The following ERBB4 variants were observed in gnomAD, a reference collection of about 807,000 sequenced individuals.
The protein encoded by ERBB4 is receptor tyrosine-protein kinase erbB-4.
A neutral mutation model predicts 158.0 loss-of-function variants in ERBB4; 42 were observed. That is an observed-to-expected ratio of 0.27 (90% CI 0.21 to 0.34). ERBB4 has a LOEUF of 0.34. Ranked by LOEUF, ERBB4 falls within the 10% of genes least tolerant of loss-of-function variation. The pLI, the probability that ERBB4 is intolerant of heterozygous loss-of-function variation, is 1.00. For missense variants in ERBB4, 1,333 were observed against 1,624.1 expected, an observed-to-expected ratio of 0.82 and a Z score of 3.08; for synonymous variants, 583 against 558.7, an observed-to-expected ratio of 1.04 and a Z score of -0.61.
chr2:211,469,939 A>G (rs142405042), intron 20 of ERBB4, among the ~76,000 whole-genome samples: 224 of 152,236 alleles, frequency 1.5e-3, no homozygotes, highest in African/African-American at 5.3e-3. Context: ...GTTAAATCAT[A>G]TAATTATATT....
intron 27 of ERBB4, 93 bp downstream of exon 27, chr2:211,386,760 G>C (rs2062692641): frequency 4.8e-6 from 6 of 1,253,104 alleles, no homozygotes; most frequent in East Asian, 2.3e-5. Context: ...ATGTTGTGCT[G>C]GTCAGCTATC....
intron 1 of ERBB4, among the ~76,000 whole-genome samples, chr2:212,362,775 T>G (rs995449788): frequency 6.6e-6 from 1 of 151,132 alleles, no homozygotes; most frequent in Non-Finnish European, 1.5e-5. Context: ...AAAACATAAT[T>G]TAAAACACAT....
chr2:211,731,953 T>C (rs187596585), intron 5 of ERBB4, among the ~76,000 whole-genome samples: 131 of 152,222 alleles, frequency 8.6e-4, no homozygotes, highest in African/African-American at 3.0e-3. Context: ...AATAAAGATG[T>C]CTGGCCCATC....
At chr2:211,420,391 GATTTT>G in intron 25 of ERBB4, 45 bp downstream of exon 25, 1 of 1,310,548 alleles carries the variant, frequency 7.6e-7, no homozygotes, top group Non-Finnish European at 1.1e-6. Flanking sequence ...ACTATTACAT[GATTTT>G]ATATCTCAGA....
chr2:212,313,801 G>A (rs1024677028), intron 1 of ERBB4, among the ~76,000 whole-genome samples: 1 of 150,760 alleles, frequency 6.6e-6, no homozygotes, highest in Non-Finnish European at 1.5e-5. Flanking sequence ...TAATATCCTT[G>A]GGTAACATCT....
chr2:211,810,350 C>T (rs2076721115), intron 3 of ERBB4, among the ~76,000 whole-genome samples: 1 of 152,140 alleles, frequency 6.6e-6, no homozygotes, highest in Non-Finnish European at 1.5e-5. Context: ...CCTCTAAGGA[C>T]TTGCTTTATG....
intron 2 of ERBB4, among the ~76,000 whole-genome samples, chr2:212,003,184 A>AAGGAAGGAAGGAAG (rs2076161858): frequency 3.0e-5 from 2 of 65,852 alleles, no homozygotes; most frequent in Non-Finnish European, 7.7e-5. Flanking sequence ...AAAGAAAGAA[A>AAGGAAGGAAGGAAG]GAAAGAAAGA....
chr2:211,704,201 G>A lies in ERBB4; in HGVS notation c.1199-7C>T, dbSNP rs1242514736. On this transcript the variant is annotated splice_region_variant and splice_polypyrimidine_tract_variant and intron_variant, in intron 10 of 27. Transcript: ENST00000342788. ...GACTGTATGTTCAGGAAACCTACAAGTGAAGAGTAGAAAAAATAAATCAGA... is the reference window on the plus strand; with the variant it reads ...GACTGTATGTTCAGGAAACCTACAAATGAAGAGTAGAAAAAATAAATCAGA... 1 of 1,554,428 alleles carries A rather than the reference G, an allele frequency of 6.4e-7. No homozygotes were observed. The highest frequency in any genetic ancestry group is 2.2e-5 in the East Asian group (1 of 44,552).
intron 19 of ERBB4, among the ~76,000 whole-genome samples, chr2:211,595,880 G>A (rs1559333588): frequency 6.6e-6 from 1 of 152,150 alleles, no homozygotes; most frequent in Admixed American, 6.6e-5. Context: ...GGTATCTGCA[G>A]AGGTCCTGGA....
At chr2:211,935,419 G>C (rs759928496) in intron 3 of ERBB4, among the ~76,000 whole-genome samples, 47 of 152,074 alleles carry the variant, frequency 3.1e-4, no homozygotes, top group Non-Finnish European at 5.7e-4. Context: ...AACAAAAACA[G>C]AGGAAAGGTG....
At chr2:211,553,136 T>C (rs2067147844) in intron 20 of ERBB4, among the ~76,000 whole-genome samples, 1 of 151,712 alleles carries the variant, frequency 6.6e-6, no homozygotes, top group Non-Finnish European at 1.5e-5. Context: ...GCCCGGCTAA[T>C]TTTTGTATTT....
At chr2:212,164,892 T>C (rs1458144811) in intron 1 of ERBB4, among the ~76,000 whole-genome samples, 1 of 152,048 alleles carries the variant, frequency 6.6e-6, no homozygotes, top group African/African-American at 2.4e-5. Flanking sequence ...TATACTATTA[T>C]TTAAGTGATG....
intron 21 of ERBB4, among the ~76,000 whole-genome samples, chr2:211,429,965 T>A (rs181934580): frequency 6.6e-6 from 1 of 152,156 alleles, no homozygotes; most frequent in Non-Finnish European, 1.5e-5. Context: ...TGTGCAGTCT[T>A]AGAGTGAATT....
intron 1 of ERBB4, among the ~76,000 whole-genome samples, chr2:212,192,614 C>T (rs932680328): frequency 2.0e-5 from 3 of 152,024 alleles, no homozygotes; most frequent in Admixed American, 2.0e-4. Context: ...TGGTCTTAAG[C>T]CTTTCCTTAT....
In ERBB4 at chr2:211,553,168, C is replaced by T. The variant is rs146774992; in HGVS notation, c.2487+8735G>A. Reference sequence around the variant, plus strand: ...ATTTTTAGTAGAGACGGGGTTTCACCGTGTTGGCCAGGCTGGTCTCGAACT... The same window carrying T: ...ATTTTTAGTAGAGACGGGGTTTCACTGTGTTGGCCAGGCTGGTCTCGAACT... On this transcript the variant is annotated intron_variant, in intron 20 of 27. Coordinates refer to ENST00000342788, the MANE Select transcript of ERBB4 (RefSeq NM_005235.3). Among the ~76,000 whole-genome samples the T allele has an allele frequency of 9.9e-5, 15 of 152,146 alleles. No homozygotes were observed. The East Asian group carries it at 2.5e-3, about 25-fold the overall frequency.
At chr2:211,940,414 T>C (rs918134809) in intron 3 of ERBB4, among the ~76,000 whole-genome samples, 1 of 152,112 alleles carries the variant, frequency 6.6e-6, no homozygotes, top group Non-Finnish European at 1.5e-5. Context: ...TTGTCTCCCT[T>C]ATACATTTTT....
Position 212,474,839 on chromosome 2 carries a change from T to TTTTTTTTTTTTG in ERBB4, c.82+63609_82+63610insCAAAAAAAAAAA, listed in dbSNP as rs1245995165. 6.4e-3 allele frequency among the ~76,000 whole-genome samples: 878 copies of TTTTTTTTTTTTG among 136,128 alleles called. 69 individuals are homozygous for TTTTTTTTTTTTG. Among genetic ancestry groups the TTTTTTTTTTTTG allele is most frequent in the African/African-American group, 0.028 (832 of 29,598 alleles). The allele number at this position is 136,128 out of a possible 152,430, so 89.3% of individuals were successfully genotyped here. On this transcript the variant is annotated intron_variant, in intron 1 of 27. Coordinates refer to ENST00000342788, the MANE Select transcript of ERBB4 (RefSeq NM_005235.3). Reference sequence around the variant, plus strand: ...CGGCCATTCTTTTTTTTTTTTTTTTTTGTCAAGACAAGGTCTTGCTCTATT... The same window carrying TTTTTTTTTTTTG: ...CGGCCATTCTTTTTTTTTTTTTTTTTTTTTTTTTTTTGTGTCAAGACAAGGTCTTGCTCTATT...
intron 1 of ERBB4, among the ~76,000 whole-genome samples, chr2:212,144,146 T>C (rs1232936834): frequency 2.0e-5 from 3 of 152,186 alleles, no homozygotes; most frequent in African/African-American, 7.2e-5. Context: ...CAGAATTCTG[T>C]TGGATGCATG....
chr2:211,806,755 A>G (rs992342175), intron 3 of ERBB4, among the ~76,000 whole-genome samples: 2 of 152,210 alleles, frequency 1.3e-5, no homozygotes, highest in African/African-American at 4.8e-5. Context: ...GGAAACATCA[A>G]GAAAAAACAA....
Sources: gnomAD v4.1 joint callset for allele counts (sites outside exome capture counted in the v4.1 genomes callset) on GRCh38, gnomAD v4.1.1 for gene constraint, MANE v1.5 for transcripts, NCBI Gene and HGNC (gene_info 2026-07-23, HGNC 2026-07-21) for gene names.